RNF207: variants seen among roughly 807,000 people sequenced by gnomAD.
The protein encoded by RNF207 is OTTHUMG00000001089.
In RNF207, 72 loss-of-function variants were observed where a neutral mutation model predicts 79.0. The ratio of observed to expected loss-of-function variants is 0.91; its 90% CI spans 0.75 to 1.11. The LOEUF (loss-of-function observed/expected upper bound fraction) is 1.11. RNF207 is among the 50% of genes least tolerant of loss of function. The probability of loss-of-function intolerance (pLI) is 0.00; values close to 1 mark genes in which losing one functional copy is unlikely to be tolerated. For missense variants in RNF207, 936 were observed against 855.8 expected (o/e 1.09, Z -1.17); for synonymous variants, 348 against 366.2 (o/e 0.95, Z 0.57).
At chr1:6,218,721 G>A (rs1039307372) in intron 17 of RNF207, among the ~76,000 whole-genome samples, 7 of 152,202 alleles carry the variant, frequency 4.6e-5, no homozygotes, top group South Asian at 2.1e-4. Context: ...CAGAGCCAGC[G>A]CATGCGCCCC....
chr1:6,212,026 C>G lies in RNF207; in HGVS notation c.1269C>G (p.His423Gln), dbSNP rs765413197. 34 of 1,594,582 alleles carry G rather than the reference C, an allele frequency of 2.1e-5. No homozygotes were observed. The Admixed American group carries it at 3.3e-4, about 16-fold the overall frequency. Residue 423 changes from histidine (H) to glutamine (Q), a missense_variant, in exon 13 of 18, where the codon CAC becomes CAG. Coordinates refer to ENST00000377939, the MANE Select transcript of RNF207 (RefSeq NM_207396.3). Reference sequence around the variant, plus strand: ...GCGAGAACACGCCCTTCGCAGAGCACTGCCGCCACTATGAGGACTCCTACC... The same window carrying G: ...GCGAGAACACGCCCTTCGCAGAGCAGTGCCGCCACTATGAGGACTCCTACC... Reference protein sequence around the residue: ...AEGENTPFAEHCRHYEDSYRH... With the variant: ...AEGENTPFAEQCRHYEDSYRH...
At position 6,211,743 on chromosome 1, in the gene RNF207, CTGCTG is replaced by C; in HGVS notation, c.1110-119_1110-115del. 1.5e-6 allele frequency: 1 copy of C among 653,964 alleles called. No individual in the cohort carries two copies. Among genetic ancestry groups the C allele is most frequent in the Non-Finnish European group, 2.6e-6 (1 of 379,922 alleles). The allele number at this position is 653,964 out of a possible 1,614,324, so 40.5% of individuals were successfully genotyped here. A position where few individuals can be genotyped will look rare whatever the true frequency, so the allele number is the denominator to read the frequency against. ...AGCCTTTTCAAATCTCCTGGTGGCT[CTGCTG>C]TGCTCCAGGTGGTGGAGAGGGCTGT... On this transcript the variant is annotated intron_variant, in intron 12 of 17. Transcript: ENST00000377939. The surrounding 1 kb of genome is among the most constrained non-coding windows in gnomAD (Gnocchi z 4.2).
rs1263727262 is a variant in RNF207 at position 6,207,694 on chromosome 1, G to A, written c.324+183G>A. On this transcript the variant is annotated intron_variant, in intron 3 of 17. Transcript: ENST00000377939. The surrounding 1 kb of genome is among the most constrained non-coding windows in gnomAD (Gnocchi z 4.5). ...ATACCGGTGGGGAGACTGAGGTCCA[G>A]AACAAGGGACTTGAGCCAGTGTCCA... 4 of 749,376 alleles carry A rather than the reference G, an allele frequency of 5.3e-6. No individual in the cohort carries two copies. The highest frequency in any genetic ancestry group is 2.2e-4 in the Middle Eastern group (1 of 4,468). The allele number at this position is 749,376 out of a possible 1,614,324, so 46.4% of individuals were successfully genotyped here.
At chr1:6,216,394 G>A (rs973298081) in intron 16 of RNF207, among the ~76,000 whole-genome samples, 8 of 152,182 alleles carry the variant, frequency 5.3e-5, no homozygotes, top group African/African-American at 1.9e-4. Flanking sequence ...CTTCAGAGCA[G>A]CCACTTTGTG....
At chr1:6,210,154 C>T (rs1403192743) in intron 8 of RNF207, 69 bp from the exon 9 acceptor site, 6 of 1,408,208 alleles carry the variant, frequency 4.3e-6, no homozygotes, top group Admixed American at 1.8e-5. Context: ...AAGCTGGAGG[C>T]GGGTGGGGGA....
At chr1:6,212,965 A>G (rs765681597) in intron 15 of RNF207, 101 bp from the exon 16 acceptor site, 5 of 854,694 alleles carry the variant, frequency 5.9e-6, no homozygotes, top group Middle Eastern at 2.4e-4. Context: ...AGAGGTCATC[A>G]TGGAAATGGT....
Position 6,207,367 on chromosome 1 carries a change from G to C in RNF207, c.192-12G>C. The C allele has an allele frequency of 6.7e-7, 1 of 1,502,444 alleles. No homozygotes were observed. Among genetic ancestry groups the C allele is most frequent in the East Asian group, 2.3e-5 (1 of 43,760 alleles). The allele number at this position is 1,502,444 out of a possible 1,614,324, so 93.1% of individuals were successfully genotyped here. On this transcript the variant is annotated splice_polypyrimidine_tract_variant and intron_variant, in intron 2 of 17. Transcript: ENST00000377939. The surrounding 1 kb of genome is among the most constrained non-coding windows in gnomAD (Gnocchi z 4.5). ...GGGGTATCAGAATCTCGGGGCCTGGGCTTCTCTGCAGACACCAGACGGTGC... is the reference window on the plus strand; with the variant it reads ...GGGGTATCAGAATCTCGGGGCCTGGCCTTCTCTGCAGACACCAGACGGTGC...
In RNF207 at chr1:6,212,336, C is replaced by A. The variant is rs758153073; in HGVS notation, c.1402C>A (p.Leu468Met). 5.0e-6 allele frequency: 8 copies of A among 1,613,848 alleles called. No individual in the cohort carries two copies. The highest frequency in any genetic ancestry group is 6.8e-6 in the Non-Finnish European group (8 of 1,179,988). ...LIKAEIMGDV[L>M]HKSLQLDVQI... Reference sequence around the variant, plus strand: ...CAAGGCGGAGATCATGGGAGACGTCCTGCACAAGTCCCTGCAACTGGACGT... The same window carrying A: ...CAAGGCGGAGATCATGGGAGACGTCATGCACAAGTCCCTGCAACTGGACGT... The change falls in exon 14 of 18, where the codon CTG becomes ATG. Residue 468 changes from leucine to methionine, a missense_variant. Coordinates refer to ENST00000377939, the MANE Select transcript of RNF207 (RefSeq NM_207396.3).
intron 16 of RNF207, among the ~76,000 whole-genome samples, chr1:6,215,574 A>G (rs1668336250): frequency 6.6e-6 from 1 of 152,176 alleles, no homozygotes; most frequent in South Asian, 2.1e-4. Context: ...TCAGGGACAC[A>G]ATATCTTACA....
In RNF207 at chr1:6,219,419, G is replaced by A. The variant is rs759501509; in HGVS notation, c.*12G>A. ...AACACCCGACTTAGCAAATGGGACCGGTCCCCAGGGTCAGGCTCTTAGAGC... is the reference window on the plus strand; with the variant it reads ...AACACCCGACTTAGCAAATGGGACCAGTCCCCAGGGTCAGGCTCTTAGAGC... On this transcript the variant is annotated 3_prime_UTR_variant, in exon 18 of 18. Transcript: ENST00000377939. 50 of 1,583,898 alleles carry A rather than the reference G, an allele frequency of 3.2e-5. No individual in the cohort carries two copies. In the East Asian group the frequency reaches 7.2e-4, roughly 23 times the overall value.
chr1:6,214,522 C>T (rs939837833), intron 16 of RNF207, among the ~76,000 whole-genome samples: 3 of 152,004 alleles, frequency 2.0e-5, no homozygotes, highest in Admixed American at 2.0e-4. Context: ...CCTGCCTCAG[C>T]CTCCCAAGTA....
chr1:6,212,652 C>T, intron 14 of RNF207, 30 bp from the exon 15 acceptor site: 4 of 1,601,386 alleles, frequency 2.5e-6, no homozygotes, highest in Non-Finnish European at 3.4e-6. Context: ...AGCTCACTGC[C>T]ACATCCAATG....
Position 6,210,951 on chromosome 1 carries a change from CT to C in RNF207, c.1011+14del. The C allele has an allele frequency of 6.2e-7, 1 of 1,602,612 alleles. No individual in the cohort carries two copies. Among genetic ancestry groups the C allele is most frequent in the East Asian group, 2.2e-5 (1 of 44,450 alleles). On this transcript the variant is annotated intron_variant, in intron 11 of 17. Coordinates refer to ENST00000377939, the MANE Select transcript of RNF207 (RefSeq NM_207396.3). ...TCAGAGCAGCAAGGTGTGCAGTGGCCTGGGTGGGCCAGGGTCGGGGGCCCTG... is the reference window on the plus strand; with the variant it reads ...TCAGAGCAGCAAGGTGTGCAGTGGCCGGGTGGGCCAGGGTCGGGGGCCCTG...
chr1:6,210,775 G>A (rs1396989187), intron 10 of RNF207, 95 bp from the exon 11 acceptor site: 8 of 1,124,356 alleles, frequency 7.1e-6, no homozygotes, highest in African/African-American at 1.5e-5. Context: ...ACCAAGTCAA[G>A]TGCCAAAGAC....
intron 10 of RNF207, 38 bp from the exon 11 acceptor site, chr1:6,210,832 A>T: frequency 4.5e-6 from 7 of 1,556,722 alleles, no homozygotes; most frequent in Non-Finnish European, 6.1e-6. Context: ...CCTGGCTGCC[A>T]CACCTCCACC....
rs1257593171 is a variant in RNF207 at position 6,208,907 on chromosome 1, C to T, written c.351C>T (p.Asn117=). ...ACGTGGAGACCACGTACTTCTGCAA[C>T]ACGTGCGGACAGCCCCTATGCGCGC... ...EQDVETTYFC[N]TCGQPLCARC... The change falls in exon 4 of 18, where the codon AAC becomes AAT. Residue 117 remains asparagine (N), a synonymous_variant. Transcript: ENST00000377939. 6.5e-7 allele frequency: 1 copy of T among 1,533,224 alleles called. No homozygotes were observed. 95.0% of individuals were successfully genotyped at this position (1,533,224 alleles called of 1,614,324 possible).
In RNF207 at chr1:6,212,248, G is replaced by A. The variant is rs1668203706; in HGVS notation, c.1314G>A (p.Met438Ile). 1 of 1,613,114 alleles carries A rather than the reference G, an allele frequency of 6.2e-7. No homozygotes were observed. Reference sequence around the variant, plus strand: ...CTGTGCAGCACCTGCAGGCAGAGATGCAGAGCCTAAAGGACCAGGTACAGG... The same window carrying A: ...CTGTGCAGCACCTGCAGGCAGAGATACAGAGCCTAAAGGACCAGGTACAGG... Reference protein sequence around the residue: ...EDSYRHLQAEMQSLKDQVQEL... With the variant: ...EDSYRHLQAEIQSLKDQVQEL... The change falls in exon 14 of 18, where the codon ATG becomes ATA. Residue 438 changes from methionine to isoleucine, a missense_variant. Coordinates refer to ENST00000377939, the MANE Select transcript of RNF207 (RefSeq NM_207396.3).
chr1:6,219,348 C>T lies in RNF207; in HGVS notation c.1846C>T (p.His616Tyr), dbSNP rs781086180. ...EEPLLKNMDH[H>Y]RSKQKNGGDV... ...GCCTCTACTGAAAAATATGGATCAT[C>T]ACAGATCCAAACAGAAAAATGGGGG... Residue 616 changes from histidine to tyrosine, a missense_variant, in exon 18 of 18, where the codon CAC becomes TAC. Physicochemically the swap from His to Tyr is moderately conservative, Grantham distance 83. Coordinates refer to ENST00000377939, the MANE Select transcript of RNF207 (RefSeq NM_207396.3). 1.1e-4 allele frequency: 170 copies of T among 1,612,678 alleles called. No individual in the cohort carries two copies. Among genetic ancestry groups the T allele is most frequent in the South Asian group, 4.0e-4 (36 of 91,004 alleles).
In RNF207 at chr1:6,219,305, G is replaced by T; in HGVS notation, c.1803G>T (p.Pro601=). Residue 601 remains proline (P), a synonymous_variant, in exon 18 of 18, where the codon CCG becomes CCT. Transcript: ENST00000377939. ...TSEPKGNSWA[P]NGLSEEPLLK... is the part of the protein sequence containing the mutation. ...AGCCTAAAGGAAACAGCTGGGCTCC[G>T]AACGGCCTCTCAGAAGAGCCTCTAC... is the stretch of plus-strand genomic sequence containing the variant. 6.2e-7 allele frequency: 1 copy of T among 1,613,564 alleles called. No homozygotes were observed. The highest frequency in any genetic ancestry group is 8.5e-7 in the Non-Finnish European group (1 of 1,179,758).
Sources: gnomAD v4.1 joint callset for allele counts (sites outside exome capture counted in the v4.1 genomes callset) on GRCh38, gnomAD v4.1.1 for gene constraint, Gnocchi (gnomAD v3.1) non-coding constraint, MANE v1.5 for transcripts, NCBI Gene and HGNC (gene_info 2026-07-23, HGNC 2026-07-21) for gene names.